The following DAW1 variants were observed in gnomAD, a reference collection of about 807,000 sequenced individuals.
DAW1 encodes the protein dynein assembly factor with WD repeat domains 1.
In DAW1, 47 loss-of-function variants were observed where a neutral mutation model predicts 56.5. The observed-to-expected ratio is 0.83, with a 90% CI of 0.66 to 1.06. The LOEUF is 1.06. Ranked by LOEUF, DAW1 falls within the 50% of genes least tolerant of loss-of-function variation. The pLI is 0.00. For synonymous variants in DAW1, 190 were observed against 179.0 expected (o/e 1.06, Z -0.49); for missense variants, 505 against 499.3 (o/e 1.01, Z -0.11).
intron 4 of DAW1, among the ~76,000 whole-genome samples, chr2:227,892,218 C>T (rs921079634): frequency 2.6e-5 from 4 of 152,208 alleles, no homozygotes; most frequent in African/African-American, 9.6e-5. Context: ...CTGCAACCTC[C>T]AGCTCTAGGG....
Position 227,889,978 on chromosome 2 carries a change from A to G in DAW1, c.236A>G (p.Asn79Ser), listed in dbSNP as rs1474132152. 1 of 1,595,916 alleles carries G rather than the reference A, an allele frequency of 6.3e-7. No individual in the cohort carries two copies. Among genetic ancestry groups the G allele is most frequent in the Admixed American group, 1.8e-5 (1 of 55,904 alleles). The change falls in exon 3 of 13, where the codon AAT becomes AGT. Residue 79 changes from asparagine (N) to serine (S), a missense_variant. Coordinates refer to ENST00000309931, the MANE Select transcript of DAW1 (RefSeq NM_178821.3). ...CAAGAGAAACTCGGCCAGAACAGCA[A>G]TCACACGTTCTATCTTTTTAAGGTA... ...RLQEKLGQNS[N>S]HTFYLFKVLK...
At chr2:227,898,103 G>C in intron 5 of DAW1, 79 bp from the exon 6 acceptor site, 2 of 861,228 alleles carry the variant, frequency 2.3e-6, no homozygotes, top group Non-Finnish European at 3.2e-6. Flanking sequence ...TTTTACTCAT[G>C]TATTAATATC....
chr2:227,915,333 C>T (rs2106213809), intron 10 of DAW1, among the ~76,000 whole-genome samples: 1 of 152,078 alleles, frequency 6.6e-6, no homozygotes, highest in East Asian at 1.9e-4. Flanking sequence ...TATGGTGTTA[C>T]TCTATGTATG....
chr2:227,915,762 A>T (rs1452751623), intron 10 of DAW1, among the ~76,000 whole-genome samples: 1 of 152,126 alleles, frequency 6.6e-6, no homozygotes, highest in African/African-American at 2.4e-5. Context: ...TCTGTCAGCC[A>T]TATGTGATGC....
chr2:227,913,881 A>ATCTATCTG (rs79833260), intron 10 of DAW1, among the ~76,000 whole-genome samples: 233 of 120,480 alleles, frequency 1.9e-3, no homozygotes, highest in South Asian at 0.014. Flanking sequence ...ATATCTATCT[A>ATCTATCTG]TCTGTCTGTC....
At chr2:227,904,722 C>G (rs1008502419) in intron 7 of DAW1, among the ~76,000 whole-genome samples, 1 of 152,062 alleles carries the variant, frequency 6.6e-6, no homozygotes, top group Non-Finnish European at 1.5e-5. Context: ...CAGCCATTAC[C>G]AAAACCTAGT....
Position 227,889,916 on chromosome 2 carries a change from A to C in DAW1, c.174A>C (p.Ser58=), listed in dbSNP as rs767360829. The part of the protein sequence containing the change: ...IQKAEPLLTA[S]RTEQVKLLIQ... ...AGGCAGAACCTCTACTCACAGCTTC[A>C]CGAACAGAGCAAGTCAAACTTTTGA... The change falls in exon 3 of 13, where the codon TCA becomes TCC. Residue 58 remains serine (S), a synonymous_variant. Transcript: ENST00000309931. 1 of 1,611,156 alleles carries C rather than the reference A, an allele frequency of 6.2e-7. No homozygotes were observed. Among genetic ancestry groups the C allele is most frequent in the Non-Finnish European group, 8.5e-7 (1 of 1,179,056 alleles).
At chr2:227,898,521 T>A (rs920970480) in intron 6 of DAW1, among the ~76,000 whole-genome samples, 6 of 151,976 alleles carry the variant, frequency 3.9e-5, no homozygotes, top group Non-Finnish European at 8.8e-5. Flanking sequence ...GGGGTTTCAC[T>A]GTATTAGCCA....
chr2:227,899,458 A>G (rs1691488009), intron 6 of DAW1, among the ~76,000 whole-genome samples: 1 of 152,240 alleles, frequency 6.6e-6, no homozygotes, highest in African/African-American at 2.4e-5. Flanking sequence ...TGAGGGTCAA[A>G]GAGAGAAAAG....
In DAW1 at chr2:227,871,672, G is replaced by T; in HGVS notation, c.-18G>T. On this transcript the variant is annotated 5_prime_UTR_variant, in exon 1 of 13. Transcript: ENST00000309931. Reference sequence around the variant, plus strand: ...CAAGGCTACGAAGCCCATCGGCCGGGGATAAGAGAGCAAGAAAATGAAGCT... The same window carrying T: ...CAAGGCTACGAAGCCCATCGGCCGGTGATAAGAGAGCAAGAAAATGAAGCT... 1 of 1,612,938 alleles carries T rather than the reference G, an allele frequency of 6.2e-7. No homozygotes were observed. The highest frequency in any genetic ancestry group is 8.5e-7 in the Non-Finnish European group (1 of 1,179,484).
At chr2:227,877,677 G>A (rs7561481) in intron 1 of DAW1, among the ~76,000 whole-genome samples, 73,537 of 152,086 alleles carry the variant, frequency 0.48, 17,993 homozygotes, top group Admixed American at 0.58. Context: ...TTAGATTTGC[G>A]TAAAGAGTGT....
At chr2:227,911,534 T>C (rs1224680410) in intron 10 of DAW1, among the ~76,000 whole-genome samples, 1 of 152,008 alleles carries the variant, frequency 6.6e-6, no homozygotes, top group African/African-American at 2.4e-5. Flanking sequence ...TTTTATCATC[T>C]TCTTGAAACC....
At chr2:227,894,779 C>T (rs1385006859) in intron 5 of DAW1, among the ~76,000 whole-genome samples, 1 of 152,196 alleles carries the variant, frequency 6.6e-6, no homozygotes, top group African/African-American at 2.4e-5. Flanking sequence ...TGCTGATTCC[C>T]ATGGCACCCT....
In DAW1 at chr2:227,885,976, T is replaced by C. The variant is rs1010706263; in HGVS notation, c.113+553T>C. Among the ~76,000 whole-genome samples the C allele has an allele frequency of 2.5e-4, 8 of 31,528 alleles. 1 individual carries two copies. In the Admixed American group the frequency reaches 3.3e-3, roughly 13 times the overall value. The allele number at this position is 31,528 out of a possible 152,430, so 20.7% of individuals were successfully genotyped here. ...CCTTAATTTCTTTCTTTTTCTTTCCTTTTTTTTTTTTTTTTGAGACAGAGT... is the reference window on the plus strand; with the variant it reads ...CCTTAATTTCTTTCTTTTTCTTTCCCTTTTTTTTTTTTTTTGAGACAGAGT... On this transcript the variant is annotated intron_variant, in intron 2 of 12. Coordinates refer to ENST00000309931, the MANE Select transcript of DAW1 (RefSeq NM_178821.3).
intron 1 of DAW1, among the ~76,000 whole-genome samples, chr2:227,875,110 C>A (rs1411066822): frequency 2.6e-5 from 4 of 152,196 alleles, no homozygotes; most frequent in Non-Finnish European, 5.9e-5. Flanking sequence ...CCCATCTCAG[C>A]AAATTGCAGC....
At chr2:227,882,513 G>A (rs1691034584) in intron 1 of DAW1, among the ~76,000 whole-genome samples, 4 of 152,232 alleles carry the variant, frequency 2.6e-5, no homozygotes. Flanking sequence ...AATTATTAAT[G>A]TAGCAAAATA....
At chr2:227,918,976 C>A in intron 11 of DAW1, 120 bp downstream of exon 11, 3 of 1,044,342 alleles carry the variant, frequency 2.9e-6, no homozygotes, top group Non-Finnish European at 4.2e-6. Context: ...GAGAAGATTG[C>A]TTGAGGCCAG....
At chr2:227,917,364 C>T (rs1691980545) in intron 10 of DAW1, among the ~76,000 whole-genome samples, 1 of 151,730 alleles carries the variant, frequency 6.6e-6, no homozygotes, top group African/African-American at 2.4e-5. Flanking sequence ...GGGTTCATGC[C>T]ATTCTCCTGC....
At chr2:227,887,017 G>A (rs1186584756) in intron 2 of DAW1, among the ~76,000 whole-genome samples, 3 of 152,178 alleles carry the variant, frequency 2.0e-5, no homozygotes, top group Non-Finnish European at 4.4e-5. Flanking sequence ...ACTTGACACC[G>A]TAACTGATGA....
Sources: gnomAD v4.1 joint callset for allele counts (sites outside exome capture counted in the v4.1 genomes callset) on GRCh38, gnomAD v4.1.1 for gene constraint, MANE v1.5 for transcripts, NCBI Gene and HGNC (gene_info 2026-07-23, HGNC 2026-07-21) for gene names.